The following PARVB variants were observed in gnomAD, a reference collection of about 807,000 sequenced individuals.
PARVB encodes parvin beta.
Under a neutral mutation model 47.0 loss-of-function variants are expected in PARVB, and 46 were observed. The ratio of observed to expected loss-of-function variants is 0.98; its 90% CI spans 0.77 to 1.25. PARVB has a LOEUF of 1.25. Among genes scored for constraint, PARVB ranks in the 50% most tolerant of loss-of-function variants. The probability of loss-of-function intolerance (pLI) is 0.00; values close to 1 mark genes in which losing one functional copy is unlikely to be tolerated. For missense variants in PARVB, 473 were observed against 471.6 expected, an observed-to-expected ratio of 1.00 and a Z score of -0.03; for synonymous variants, 196 against 196.3, an observed-to-expected ratio of 1.00 and a Z score of 0.01.
chr22:44,112,541 T>C (rs1044580912), intron 3 of PARVB: 11 of 152,782 alleles, frequency 7.2e-5, no homozygotes, highest in African/African-American at 2.6e-4. Flanking sequence ...TCTGCTCAGA[T>C]GCCGCCTGAG....
chr22:44,044,935 G>T (rs1048585252), intron 1 of PARVB, among the ~76,000 whole-genome samples: 66 of 152,296 alleles, frequency 4.3e-4, no homozygotes, highest in African/African-American at 1.5e-3. Context: ...ACTGACGTTT[G>T]CTACTCTACT....
At chr22:44,075,410 C>A (rs1426089854) in intron 1 of PARVB, among the ~76,000 whole-genome samples, 2 of 152,222 alleles carry the variant, frequency 1.3e-5, no homozygotes, top group East Asian at 1.9e-4. Flanking sequence ...TCAACATCCT[C>A]CCCCTCTAAC....
intron 2 of PARVB, among the ~76,000 whole-genome samples, chr22:44,008,193 C>A (rs1277137390): frequency 2.6e-5 from 4 of 152,086 alleles, no homozygotes; most frequent in Non-Finnish European, 4.4e-5. Flanking sequence ...CTCCGCCTCC[C>A]AGGTTCAAGC....
chr22:44,001,520 A>G (rs959174245), intron 2 of PARVB, among the ~76,000 whole-genome samples: 1 of 152,228 alleles, frequency 6.6e-6, no homozygotes, highest in Non-Finnish European at 1.5e-5. Context: ...GAAAGTATTG[A>G]AGATCTTGTG....
chr22:44,040,304 T>TA (rs35335436), intron 1 of PARVB, among the ~76,000 whole-genome samples: 11,806 of 152,182 alleles, frequency 0.078, 601 homozygotes, highest in Middle Eastern at 0.16. Flanking sequence ...TGAAATGTGT[T>TA]AAAAAAAGAT....
chr22:44,130,625 C>T (rs964432019), intron 4 of PARVB, among the ~76,000 whole-genome samples: 1 of 152,096 alleles, frequency 6.6e-6, no homozygotes, highest in African/African-American at 2.4e-5. Context: ...AGAATGGGAG[C>T]CTCAGGTGTG....
intron 1 of PARVB, chr22:44,069,019 C>A (rs776717558): frequency 5.2e-5 from 59 of 1,137,024 alleles, no homozygotes; most frequent in Non-Finnish European, 6.9e-5. Context: ...CAAAGGCTCC[C>A]CAAAGAGGCT....
chr22:44,147,633 G>A, intron 8 of PARVB: 1 of 726,844 alleles, frequency 1.4e-6, no homozygotes, highest in Admixed American at 1.7e-5. Flanking sequence ...GCAGCCTCTA[G>A]TCCACGCTGT....
intron 1 of PARVB, among the ~76,000 whole-genome samples, chr22:44,073,031 C>T (rs1003997116): frequency 2.0e-5 from 3 of 152,158 alleles, no homozygotes; most frequent in African/African-American, 7.2e-5. Context: ...GTATCTAAGT[C>T]CCCCTGTGGC....
chr22:44,094,157 A>T (rs2052240693), intron 2 of PARVB, 140 bp downstream of exon 2: 1 of 531,186 alleles, frequency 1.9e-6, no homozygotes, highest in South Asian at 2.9e-5. Flanking sequence ...CTAAGTTCTT[A>T]GCTCAAGGTC....
At chr22:44,163,709 C>G in intron 11 of PARVB, 149 bp from the exon 12 acceptor site, 1 of 583,168 alleles carries the variant, frequency 1.7e-6, no homozygotes, top group Non-Finnish European at 2.9e-6. Flanking sequence ...GTCTGCCCAC[C>G]CTGTGGCCCG....
chr22:44,058,285 C>T (rs73888831), intron 1 of PARVB, among the ~76,000 whole-genome samples: 10 of 152,190 alleles, frequency 6.6e-5, no homozygotes, highest in African/African-American at 2.2e-4. Context: ...CTTCTGGGGA[C>T]GGTGGGCAGT....
intron 1 of PARVB, among the ~76,000 whole-genome samples, chr22:44,054,306 T>A (rs1265092863): frequency 6.6e-6 from 1 of 152,138 alleles, no homozygotes; most frequent in African/African-American, 2.4e-5. Flanking sequence ...ACCTCACCTC[T>A]CGGGCTCAAG....
intron 2 of PARVB, among the ~76,000 whole-genome samples, chr22:44,009,107 C>T (rs965317222): frequency 6.6e-6 from 1 of 152,104 alleles, no homozygotes; most frequent in Non-Finnish European, 1.5e-5. Flanking sequence ...GATTTCCTTG[C>T]GAATTTGAAA....
intron 10 of PARVB, among the ~76,000 whole-genome samples, chr22:44,157,136 C>T (rs1569160889): frequency 6.6e-6 from 1 of 152,190 alleles, no homozygotes; most frequent in Non-Finnish European, 1.5e-5. Context: ...AATAGCAGCT[C>T]CAGAGGCCCC....
At chr22:44,133,289 C>G (rs1353697994) in intron 6 of PARVB, among the ~76,000 whole-genome samples, 1 of 152,212 alleles carries the variant, frequency 6.6e-6, no homozygotes, top group Non-Finnish European at 1.5e-5. Context: ...CCAAAGCCAA[C>G]TGGTTGGAAT....
At chr22:44,028,535 G>C (rs963361879) in intron 1 of PARVB, among the ~76,000 whole-genome samples, 1 of 152,114 alleles carries the variant, frequency 6.6e-6, no homozygotes, top group Non-Finnish European at 1.5e-5. Context: ...GTGCCAGTTT[G>C]TTGATCCATT....
chr22:44,080,053 G>C (rs182471833), intron 1 of PARVB, among the ~76,000 whole-genome samples: 2 of 152,318 alleles, frequency 1.3e-5, no homozygotes, highest in Admixed American at 6.5e-5. Context: ...GGTCAGATGC[G>C]TCCTCTGTGC....
chr22:44,044,191 GTTT>G (rs776354860), intron 1 of PARVB, among the ~76,000 whole-genome samples: 2 of 134,972 alleles, frequency 1.5e-5, no homozygotes, highest in Non-Finnish European at 1.6e-5. Flanking sequence ...ATTTTTTGTG[GTTT>G]TTTTTTTTTT....
Sources: gnomAD v4.1 joint callset for allele counts (sites outside exome capture counted in the v4.1 genomes callset) on GRCh38, gnomAD v4.1.1 for gene constraint, MANE v1.5 for transcripts, NCBI Gene and HGNC (gene_info 2026-07-23, HGNC 2026-07-21) for gene names.